PDZD7: variants seen among roughly 807,000 people sequenced by gnomAD.
PDZD7 encodes the protein PDZ domain containing 7, also known as PDZ domain-containing protein 7.
Under a neutral mutation model 84.7 loss-of-function variants are expected in PDZD7, and 72 were observed. The ratio of observed to expected loss-of-function variants is 0.85; its 90% CI spans 0.70 to 1.03. The LOEUF (loss-of-function observed/expected upper bound fraction) is 1.03. PDZD7 is among the 50% of genes least tolerant of loss of function. PDZD7 has a pLI of 0.00. For synonymous variants in PDZD7, 594 were observed against 580.7 expected (o/e 1.02, Z -0.33); for missense variants, 1,490 against 1,412.9 (o/e 1.05, Z -0.87).
intron 3 of PDZD7, 118 bp from the exon 4 acceptor site, chr10:101,023,728 A>C: frequency 6.9e-7 from 1 of 1,454,282 alleles, no homozygotes; most frequent in Non-Finnish European, 9.5e-7. Flanking sequence ...GGATTGTCAG[A>C]GCAGGGGCTG....
rs931881517 is a variant in PDZD7 at position 101,011,595 on chromosome 10, C to T, written c.2005+95G>A. On this transcript the variant is annotated intron_variant, in intron 14 of 16. Coordinates refer to ENST00000619208, the MANE Select transcript of PDZD7 (RefSeq NM_001195263.2). The stretch of plus-strand genomic sequence containing the variant: ...ACCACAATGTGCCTGGAAGCCACAA[C>T]TGCCCCTAGTGGGGAAAGAAGTAGA... 2.7e-6 allele frequency: 4 copies of T among 1,499,306 alleles called. No homozygotes were observed. In the African/African-American group the frequency reaches 5.6e-5, roughly 21 times the overall value. 92.9% of individuals were successfully genotyped at this position (1,499,306 alleles called of 1,614,324 possible). A position where few individuals can be genotyped will look rare whatever the true frequency, so the allele number is the denominator to read the frequency against.
chr10:101,028,015 C>T (rs1017567830), intron 2 of PDZD7, among the ~76,000 whole-genome samples: 3 of 152,030 alleles, frequency 2.0e-5, no homozygotes, highest in African/African-American at 4.8e-5. Flanking sequence ...GCAATGTCAC[C>T]GTTTATTCCT....
intron 10 of PDZD7, 79 bp from the exon 11 acceptor site, chr10:101,015,890 G>A (rs973598727): frequency 1.4e-6 from 2 of 1,441,620 alleles, no homozygotes; most frequent in Non-Finnish European, 1.9e-6. Flanking sequence ...CCAGCTGAGA[G>A]CCCAGGTACC....
Position 101,018,822 on chromosome 10 carries a change from C to A in PDZD7, c.1324G>T (p.Glu442Ter). Residue 442 changes from glutamate to a stop codon, truncating the protein, a stop_gained and splice_region_variant, in exon 8 of 17, where the codon GAG (glutamate) becomes TAG (stop). Transcript: ENST00000619208. LOFTEE classifies it high-confidence loss of function. ...TRSQSYLTLW[E>*]EKQQRKKEKS... Reference sequence around the variant, plus strand: ...CAGCCGCCACCCATCCCCCACGTACCCCACAAGGTCAGATAGCTCTGGGAG... The same window carrying A: ...CAGCCGCCACCCATCCCCCACGTACACCACAAGGTCAGATAGCTCTGGGAG... 1 of 1,590,558 alleles carries A rather than the reference C, an allele frequency of 6.3e-7. No individual in the cohort carries two copies. The highest frequency in any genetic ancestry group is 1.3e-5 in the African/African-American group (1 of 74,702).
At chr10:101,028,867 A>G (rs1321499318) in intron 2 of PDZD7, among the ~76,000 whole-genome samples, 2 of 152,178 alleles carry the variant, frequency 1.3e-5, no homozygotes, top group Non-Finnish European at 2.9e-5. Context: ...TGAAGCATAG[A>G]CTGGTGTATG....
intron 10 of PDZD7, 142 bp downstream of exon 10, chr10:101,016,235 A>G (rs575987562): frequency 2.2e-5 from 19 of 852,346 alleles, no homozygotes; most frequent in African/African-American, 1.2e-4. Flanking sequence ...GCTGCCCCCA[A>G]TACATACCAT....
In PDZD7 at chr10:101,010,562, C is replaced by G; in HGVS notation, c.2327G>C (p.Ser776Thr). The G allele has an allele frequency of 1.3e-6, 2 of 1,488,020 alleles. No homozygotes were observed. Among genetic ancestry groups the G allele is most frequent in the Non-Finnish European group, 1.8e-6 (2 of 1,106,702 alleles). 92.2% of individuals were successfully genotyped at this position (1,488,020 alleles called of 1,614,324 possible). Residue 776 changes from serine to threonine, a missense_variant, in exon 15 of 17, where the codon AGC becomes ACC. Transcript: ENST00000619208. ...GCTGCGGCTGCGGCTGCGGCTACGG[C>G]TGCGGCTACGGCTCTGAGCCCGGCC... ...IRGRAQSRSR[S>T]RSRSRSRSSR...
chr10:101,012,054 A>C, intron 12 of PDZD7, 38 bp from the exon 13 acceptor site: 1 of 1,542,908 alleles, frequency 6.5e-7, no homozygotes, highest in African/African-American at 1.4e-5. Flanking sequence ...TGGGAGGGGC[A>C]GGCAGGATTT....
At chr10:101,015,205 T>G (rs1408570204) in intron 11 of PDZD7, among the ~76,000 whole-genome samples, 1 of 152,210 alleles carries the variant, frequency 6.6e-6, no homozygotes, top group African/African-American at 2.4e-5. Flanking sequence ...GAGGGTGGCA[T>G]GCAGTGAAGG....
Position 101,008,505 on chromosome 10 carries a change from G to A in PDZD7, c.3064C>T (p.Pro1022Ser). ...GGGGAGGGTGCGGGCTTAGAATCAG[G>A]AGTCTGGAGGGCTGGGGAGGGGGCT... ...SPAPSPALQT[P>S]DSKPAPSPRI... Residue 1022 changes from proline (P) to serine (S), a missense_variant, in exon 17 of 17, where the codon CCT (proline) becomes TCT (serine). By Grantham distance (74) the Pro-to-Ser change is moderately conservative. Coordinates refer to ENST00000619208, the MANE Select transcript of PDZD7 (RefSeq NM_001195263.2). 6.5e-7 allele frequency: 1 copy of A among 1,531,950 alleles called. No individual in the cohort carries two copies. The highest frequency in any genetic ancestry group is 8.7e-7 in the Non-Finnish European group (1 of 1,144,850). The allele number at this position is 1,531,950 out of a possible 1,614,324, so 94.9% of individuals were successfully genotyped here. A position where few individuals can be genotyped will look rare whatever the true frequency, so the allele number is the denominator to read the frequency against.
intron 9 of PDZD7, chr10:101,017,838 GGAAAGAAAGAAAGAAAGAAA>G (rs1202852543): frequency 3.0e-5 from 5 of 169,366 alleles, no homozygotes; most frequent in South Asian, 2.0e-4. Flanking sequence ...AAGGAAGGAA[GGAAAGAAAGAAAGAAAGAAA>G]GAAAGAAAGA....
chr10:101,017,799 GAAAGAA>G, intron 9 of PDZD7: 1 of 388,326 alleles, frequency 2.6e-6, no homozygotes. Flanking sequence ...AAAAAAAAAA[GAAAGAA>G]AAAGAAAGAA....
intron 11 of PDZD7, among the ~76,000 whole-genome samples, chr10:101,014,736 C>G (rs186204717): frequency 6.6e-6 from 1 of 152,142 alleles, no homozygotes; most frequent in Non-Finnish European, 1.5e-5. Context: ...CACACACACA[C>G]ACAATCATGC....
intron 11 of PDZD7, 110 bp downstream of exon 11, chr10:101,015,526 C>G: frequency 7.7e-7 from 1 of 1,303,956 alleles, no homozygotes; most frequent in African/African-American, 1.5e-5. Flanking sequence ...TGACCACTAG[C>G]CTCCTGGTGT....
chr10:101,017,350 C>G (rs1361595624), intron 9 of PDZD7: 1 of 405,722 alleles, frequency 2.5e-6, no homozygotes, highest in Non-Finnish European at 4.4e-6. Flanking sequence ...TTAGACCCAG[C>G]TTAAATCAGC....
At position 101,018,198 on chromosome 10, in the gene PDZD7, C is replaced by T; in HGVS notation, c.1423G>A (p.Gly475Arg). The change falls in exon 9 of 17, where the codon GGG becomes AGG. Residue 475 changes from glycine (G) to arginine (R), a missense_variant. Physicochemically the swap from Gly to Arg is moderately radical, Grantham distance 125. Transcript: ENST00000619208. ...TCCCGCGCTAGCCTCCCCTGCCGCCCTCCCTTGAAGAAGAGGTTCATCAGC... is the reference window on the plus strand; with the variant it reads ...TCCCGCGCTAGCCTCCCCTGCCGCCTTCCCTTGAAGAAGAGGTTCATCAGC... ...KTLMNLFFKG[G>R]RQGRLARDGR... 1.9e-6 allele frequency: 3 copies of T among 1,614,268 alleles called. No individual in the cohort carries two copies. The highest frequency in any genetic ancestry group is 2.5e-6 in the Non-Finnish European group (3 of 1,180,052).
Position 101,018,934 on chromosome 10 carries a change from G to T in PDZD7, c.1212C>A (p.Pro404=). 1 of 1,602,962 alleles carries T rather than the reference G, an allele frequency of 6.2e-7. No individual in the cohort carries two copies. The highest frequency in any genetic ancestry group is 8.5e-7 in the Non-Finnish European group (1 of 1,175,498). Residue 404 remains proline (P), a synonymous_variant, in exon 8 of 17, where the codon CCC becomes CCA. Transcript: ENST00000619208. ...AGAGCGCAGAGTCAAGGCGGCGGCC[G>T]GGATGGGGGCCGTCCGAGCGGATGG... The part of the protein sequence containing the change: ...DTAIRSDGPH[P]GRRLDSALSE...
Position 101,010,728 on chromosome 10 carries a change from G to A in PDZD7, c.2161C>T (p.Pro721Ser). Residue 721 changes from proline to serine, a missense_variant, in exon 15 of 17, where the codon CCA (proline) becomes TCA (serine). Coordinates refer to ENST00000619208, the MANE Select transcript of PDZD7 (RefSeq NM_001195263.2). ...HKGIPPLQDVPVDAFTPLRIA... is the reference protein window; with the variant it reads ...HKGIPPLQDVSVDAFTPLRIA... ...CGGAGGGGGGTGAAGGCATCTACTG[G>A]CACGTCTTGTAGAGGGGGGATCCCT... 3 of 1,162,022 alleles carry A rather than the reference G, an allele frequency of 2.6e-6. No individual in the cohort carries two copies. The highest frequency in any genetic ancestry group is 2.2e-4 in the Middle Eastern group (1 of 4,548). The allele number at this position is 1,162,022 out of a possible 1,614,324, so 72.0% of individuals were successfully genotyped here.
At chr10:101,020,531 C>T (rs1034396449) in intron 7 of PDZD7, 87 bp downstream of exon 7, 21 of 1,289,274 alleles carry the variant, frequency 1.6e-5, no homozygotes, top group Non-Finnish European at 2.1e-5. Flanking sequence ...AGCCACCAAG[C>T]CTGGCCCTTT....
Sources: allele counts gnomAD v4.1 joint callset (sites outside exome capture counted in the v4.1 genomes callset), GRCh38; gene constraint gnomAD v4.1.1; transcripts MANE v1.5; gene names NCBI Gene and HGNC (gene_info 2026-07-23, HGNC 2026-07-21).